The following ZSWIM5 variants were observed in gnomAD, a reference collection of about 807,000 sequenced individuals.
ZSWIM5 encodes zinc finger SWIM-type containing 5.
In ZSWIM5, 55 loss-of-function variants were observed where a neutral mutation model predicts 119.6. That is an observed-to-expected ratio of 0.46 (90% CI 0.37 to 0.58). ZSWIM5 has a LOEUF of 0.58. Among genes scored for constraint, ZSWIM5 ranks in the 20% least tolerant of loss-of-function variants. The pLI, the probability that ZSWIM5 is intolerant of heterozygous loss-of-function variation, is 0.00. For missense variants in ZSWIM5, 1,193 were observed against 1,512.8 expected, an observed-to-expected ratio of 0.79 and a Z score of 3.51; for synonymous variants, 537 against 606.9, an observed-to-expected ratio of 0.88 and a Z score of 1.69.
At chr1:45,095,563 T>G (rs1645395842) in intron 1 of ZSWIM5, among the ~76,000 whole-genome samples, 1 of 152,244 alleles carries the variant, frequency 6.6e-6, no homozygotes, top group Admixed American at 6.5e-5. Flanking sequence ...AAAAATAATG[T>G]GAGTTCTAGA....
At chr1:45,097,781 A>C (rs1645412201) in intron 1 of ZSWIM5, among the ~76,000 whole-genome samples, 1 of 152,104 alleles carries the variant, frequency 6.6e-6, no homozygotes, top group South Asian at 2.1e-4. Context: ...AGCTCACTGC[A>C]ACCTCTGCCT....
intron 2 of ZSWIM5, among the ~76,000 whole-genome samples, chr1:45,076,327 T>C (rs1339498625): frequency 6.6e-6 from 1 of 151,966 alleles, no homozygotes; most frequent in Non-Finnish European, 1.5e-5. Context: ...CCCTCAGTTT[T>C]TGTTTGTCTG....
intron 11 of ZSWIM5, among the ~76,000 whole-genome samples, chr1:45,025,689 C>T (rs1474314799): frequency 6.6e-6 from 1 of 152,120 alleles, no homozygotes; most frequent in Non-Finnish European, 1.5e-5. Context: ...GCTATAATTA[C>T]TTGTTAGTTC....
chr1:45,079,025 C>T (rs546394327), intron 2 of ZSWIM5, among the ~76,000 whole-genome samples: 2 of 152,286 alleles, frequency 1.3e-5, no homozygotes, highest in African/African-American at 4.8e-5. Context: ...CCTGCCTTAA[C>T]TGATGACATT....
chr1:45,084,756 T>G (rs1645314881), intron 2 of ZSWIM5, among the ~76,000 whole-genome samples: 1 of 152,188 alleles, frequency 6.6e-6, no homozygotes, highest in Non-Finnish European at 1.5e-5. Flanking sequence ...AGTGATGCAA[T>G]GGGTAGGCAC....
At chr1:45,109,527 C>T (rs138483214) in intron 1 of ZSWIM5, among the ~76,000 whole-genome samples, 3,140 of 152,176 alleles carry the variant, frequency 0.021, 116 homozygotes, top group African/African-American at 0.072. Context: ...GGGCAGATCA[C>T]GAGGTCAGGA....
At chr1:45,190,968 A>G (rs1646088494) in intron 1 of ZSWIM5, among the ~76,000 whole-genome samples, 1 of 53,310 alleles carries the variant, frequency 1.9e-5, no homozygotes, top group African/African-American at 8.4e-5. Context: ...TTTTTTTGAG[A>G]CGGAGTCTCG....
chr1:45,096,242 T>A (rs772713827), intron 1 of ZSWIM5, among the ~76,000 whole-genome samples: 1 of 152,078 alleles, frequency 6.6e-6, no homozygotes, highest in Non-Finnish European at 1.5e-5. Context: ...AGAAGCAATA[T>A]ATAATGTTAG....
At chr1:45,180,384 C>T (rs1392431786) in intron 1 of ZSWIM5, among the ~76,000 whole-genome samples, 3 of 152,252 alleles carry the variant, frequency 2.0e-5, no homozygotes, top group East Asian at 3.9e-4. Context: ...GGGGGAGGGG[C>T]GCCTGCCATT....
In ZSWIM5 at chr1:45,161,749, A is replaced by G. The variant is rs796544360; in HGVS notation, c.595+44007T>C. Reference sequence around the variant, plus strand: ...TCTTTTTACCATGAACTAGAATTTCATCAAGTCAATAAGGGTTACACTAGT... The same window carrying G: ...TCTTTTTACCATGAACTAGAATTTCGTCAAGTCAATAAGGGTTACACTAGT... On this transcript the variant is annotated intron_variant, in intron 1 of 13. Transcript: ENST00000359600. Among the ~76,000 whole-genome samples, 22 of 152,372 alleles carry G rather than the reference A, an allele frequency of 1.4e-4. 1 individual carries two copies. The highest frequency in any genetic ancestry group is 5.3e-4 in the African/African-American group (22 of 41,586).
At chr1:45,138,858 A>G (rs1144867) in intron 1 of ZSWIM5, among the ~76,000 whole-genome samples, 1 of 151,334 alleles carries the variant, frequency 6.6e-6, no homozygotes, top group East Asian at 1.9e-4. Flanking sequence ...GAAATAATTC[A>G]TCAATAGTAG....
chr1:45,063,560 A>T (rs898920963), intron 2 of ZSWIM5, among the ~76,000 whole-genome samples: 2 of 152,192 alleles, frequency 1.3e-5, no homozygotes, highest in Non-Finnish European at 2.9e-5. Context: ...TCAGCCAGAA[A>T]GACTGTTCCC....
At chr1:45,105,733 C>T (rs927926961) in intron 1 of ZSWIM5, among the ~76,000 whole-genome samples, 1 of 138,894 alleles carries the variant, frequency 7.2e-6, no homozygotes, top group Non-Finnish European at 1.5e-5. Flanking sequence ...AAGTGAGGAG[C>T]ACCTCTGCCC....
chr1:45,125,556 A>G (rs548524738), intron 1 of ZSWIM5, among the ~76,000 whole-genome samples: 6 of 151,996 alleles, frequency 3.9e-5, no homozygotes, highest in African/African-American at 1.4e-4. Context: ...AGGGGGAATC[A>G]CGAGGTCAGG....
intron 1 of ZSWIM5, among the ~76,000 whole-genome samples, chr1:45,101,383 C>G (rs182692028): frequency 6.6e-6 from 1 of 152,256 alleles, no homozygotes; most frequent in East Asian, 1.9e-4. Flanking sequence ...ATTAAAAAGT[C>G]AGGAAACAAC....
At chr1:45,115,249 CGAGGT>C in intron 1 of ZSWIM5, among the ~76,000 whole-genome samples, 2 of 149,468 alleles carry the variant, frequency 1.3e-5, no homozygotes, top group African/African-American at 4.9e-5. Context: ...ACCTCCCGGG[CGAGGT>C]GGCTGCCGGG....
rs568510401 is a variant in ZSWIM5 at position 45,070,409 on chromosome 1, G to C, written c.953-10162C>G. On this transcript the variant is annotated intron_variant, in intron 2 of 13. Transcript: ENST00000359600. ...TAGGACATTCGAGCACAAAGAACGG[G>C]ACATGGTACAAAGTCTCCATGTTGG... is the stretch of plus-strand genomic sequence containing the variant. 3.6e-6 allele frequency: 5 copies of C among 1,404,976 alleles called. No homozygotes were observed. The South Asian group carries it at 4.7e-5, about 13-fold the overall frequency. The allele number at this position is 1,404,976 out of a possible 1,614,324, so 87.0% of individuals were successfully genotyped here.
intron 8 of ZSWIM5, 33 bp downstream of exon 8, chr1:45,038,903 C>A (rs1230879524): frequency 1.2e-6 from 2 of 1,610,712 alleles, no homozygotes; most frequent in African/African-American, 1.3e-5. Context: ...CCAACAAGGG[C>A]AGTCTTGGTT....
chr1:45,083,809 G>A (rs960988103), intron 2 of ZSWIM5, among the ~76,000 whole-genome samples: 2 of 152,214 alleles, frequency 1.3e-5, no homozygotes, highest in African/African-American at 2.4e-5. Context: ...CATGTCTGGG[G>A]AGGCCTCAGG....
Sources: allele counts gnomAD v4.1 joint callset (sites outside exome capture counted in the v4.1 genomes callset), GRCh38; gene constraint gnomAD v4.1.1; transcripts MANE v1.5; gene names NCBI Gene and HGNC (gene_info 2026-07-23, HGNC 2026-07-21).